Variants in BCKDHA observed in about 807,000 individuals in gnomAD.
BCKDHA encodes the protein 2-oxoisovalerate dehydrogenase subunit alpha, mitochondrial.
BCKDHA carries 43 observed loss-of-function variants against 52.2 expected under a neutral mutation model. The ratio of observed to expected loss-of-function variants is 0.82; its 90% CI spans 0.64 to 1.06. The LOEUF (loss-of-function observed/expected upper bound fraction) is 1.06, where lower values mean the gene tolerates loss of function less well. Among genes scored for constraint, BCKDHA ranks in the 50% least tolerant of loss-of-function variants. The pLI is 0.00. For missense variants in BCKDHA, 527 were observed against 621.3 expected (o/e 0.85, Z 1.61); for synonymous variants, 234 against 247.9 (o/e 0.94, Z 0.53).
At position 41,424,566 on chromosome 19, in the gene BCKDHA, G is replaced by C; in HGVS notation, c.1296G>C (p.Gln432His). ...AGGAGTCTCTGGCCCGCCACCTGCA[G>C]ACCTACGGGGAGCACTACCCACTGG... ...KQQESLARHL[Q>H]TYGEHYPLDH... The change falls in exon 9 of 9, where the codon CAG (glutamine) becomes CAC (histidine). Residue 432 changes from glutamine to histidine, a missense_variant. Physicochemically the swap from Gln to His is conservative, Grantham distance 24. Transcript: ENST00000269980. 1 of 1,613,834 alleles carries C rather than the reference G, an allele frequency of 6.2e-7. No individual in the cohort carries two copies. Among genetic ancestry groups the C allele is most frequent in the Non-Finnish European group, 8.5e-7 (1 of 1,179,818 alleles).
intron 1 of BCKDHA, among the ~76,000 whole-genome samples, chr19:41,404,394 A>G (rs1394971620): frequency 1.3e-5 from 2 of 151,602 alleles, no homozygotes; most frequent in African/African-American, 2.4e-5. Context: ...GGTTGACGCC[A>G]TTCTCCTGCC....
At chr19:41,423,882 A>G (rs987927979) in intron 8 of BCKDHA, among the ~76,000 whole-genome samples, 2 of 151,294 alleles carry the variant, frequency 1.3e-5, no homozygotes, top group Non-Finnish European at 2.9e-5. Context: ...AGTCCCAGCT[A>G]CTCAGGAAGG....
intron 1 of BCKDHA, among the ~76,000 whole-genome samples, chr19:41,405,633 C>T (rs2039184150): frequency 6.6e-6 from 1 of 152,138 alleles, no homozygotes; most frequent in African/African-American, 2.4e-5. Context: ...CTATGTTTCC[C>T]AGGCTGGCCT....
At chr19:41,418,091 CAAAAAAAAAAAAA>C (rs66838098) in intron 4 of BCKDHA, among the ~76,000 whole-genome samples, 2 of 72,014 alleles carry the variant, frequency 2.8e-5, no homozygotes, top group Admixed American at 1.7e-4. Flanking sequence ...GACTCTGTCT[CAAAAAAAAAAAAA>C]AAAAAAAAAA....
At chr19:41,400,718 GC>G (rs1300990233) in intron 1 of BCKDHA, among the ~76,000 whole-genome samples, 2 of 151,882 alleles carry the variant, frequency 1.3e-5, no homozygotes, top group African/African-American at 4.8e-5. Context: ...AGTTTAAGTA[GC>G]CACAAGTGGG....
chr19:41,422,210 C>G lies in BCKDHA; in HGVS notation c.693C>G (p.Val231=). 6.2e-7 allele frequency: 1 copy of G among 1,614,168 alleles called. No individual in the cohort carries two copies. The highest frequency in any genetic ancestry group is 8.5e-7 in the Non-Finnish European group (1 of 1,180,014). ...YAAKRANANR[V]VICYFGEGAA... Reference sequence around the variant, plus strand: ...CCAAGCGGGCCAATGCCAACAGGGTCGTCATCTGTTACTTCGGCGAGGGGG... The same window carrying G: ...CCAAGCGGGCCAATGCCAACAGGGTGGTCATCTGTTACTTCGGCGAGGGGG... Residue 231 remains valine, a synonymous_variant, in exon 6 of 9, where the codon GTC becomes GTG. Coordinates refer to ENST00000269980, the MANE Select transcript of BCKDHA (RefSeq NM_000709.4).
At chr19:41,410,209 T>C (rs1423997893) in intron 1 of BCKDHA, among the ~76,000 whole-genome samples, 4 of 152,138 alleles carry the variant, frequency 2.6e-5, no homozygotes, top group Non-Finnish European at 4.4e-5. Context: ...GCAGTGGGCA[T>C]GTGTGTCTGT....
Position 41,410,758 on chromosome 19 carries a change from C to T in BCKDHA, c.230C>T (p.Pro77Leu). The T allele has an allele frequency of 6.2e-7, 1 of 1,614,164 alleles. No homozygotes were observed. Among genetic ancestry groups the T allele is most frequent in the Non-Finnish European group, 8.5e-7 (1 of 1,180,032 alleles). ...FIQPNVISGI[P>L]IYRVMDRQGQ... is the part of the protein sequence containing the mutation. ...CAGCCCAACGTCATCTCTGGAATCC[C>T]CATCTACCGCGTCATGGACCGGCAA... Residue 77 changes from proline to leucine, a missense_variant, in exon 2 of 9, where the codon CCC (proline) becomes CTC (leucine). Physicochemically the swap from Pro to Leu is moderately conservative, Grantham distance 98. Coordinates refer to ENST00000269980, the MANE Select transcript of BCKDHA (RefSeq NM_000709.4).
At chr19:41,413,351 G>A (rs919303320) in intron 3 of BCKDHA, among the ~76,000 whole-genome samples, 2 of 152,168 alleles carry the variant, frequency 1.3e-5, no homozygotes, top group African/African-American at 4.8e-5. Flanking sequence ...CTCAGGTTAG[G>A]GGATTTGGGA....
chr19:41,406,831 A>G (rs12327735), intron 1 of BCKDHA, among the ~76,000 whole-genome samples: 4,746 of 152,214 alleles, frequency 0.031, 230 homozygotes, highest in African/African-American at 0.11. Context: ...CGGACTCCCA[A>G]AGTGCTGGGA....
chr19:41,410,508 A>C, intron 1 of BCKDHA, 129 bp from the exon 2 acceptor site: 1 of 993,334 alleles, frequency 1.0e-6, no homozygotes. Context: ...AGACCCTGTG[A>C]GTCAGGCCCC....
Position 41,409,703 on chromosome 19 carries a change from A to G in BCKDHA, c.109-934A>G, listed in dbSNP as rs1331512328. On this transcript the variant is annotated intron_variant, in intron 1 of 8. Transcript: ENST00000269980. ...CATTTTATTCATGTGATCTTGTTTA[A>G]GCCTCTCATTTCCATGAGGGGTTCT... Among the ~76,000 whole-genome samples, 6 of 152,050 alleles carry G rather than the reference A, an allele frequency of 3.9e-5. No individual in the cohort carries two copies. In the East Asian group the frequency reaches 1.2e-3, roughly 29 times the overall value.
rs575697272 is a variant in BCKDHA at position 41,418,924 on chromosome 19, G to A, written c.485-211G>A. ...TAAATACCAGACAATATCTCACTAAGAGAAAGAAAGAAAAAGGCTAGATTT... is the reference window on the plus strand; with the variant it reads ...TAAATACCAGACAATATCTCACTAAAAGAAAGAAAGAAAAAGGCTAGATTT... On this transcript the variant is annotated intron_variant, in intron 4 of 8. Coordinates refer to ENST00000269980, the MANE Select transcript of BCKDHA (RefSeq NM_000709.4). The A allele has an allele frequency of 3.0e-5, 18 of 591,888 alleles. No individual in the cohort carries two copies. The East Asian group carries it at 5.3e-4, about 17-fold the overall frequency. 36.7% of individuals were successfully genotyped at this position (591,888 alleles called of 1,614,324 possible). A position where few individuals can be genotyped will look rare whatever the true frequency, so the allele number is the denominator to read the frequency against.
intron 4 of BCKDHA, 134 bp from the exon 5 acceptor site, chr19:41,419,001 C>T (rs2039335678): frequency 6.5e-6 from 7 of 1,073,056 alleles, no homozygotes; most frequent in African/African-American, 1.6e-5. Context: ...GTCAGTCAGT[C>T]TGAACATCAG....
At chr19:41,418,831 T>A in intron 4 of BCKDHA, 1 of 431,278 alleles carries the variant, frequency 2.3e-6, no homozygotes. Flanking sequence ...TGAACCACCA[T>A]GCCTGGCCAT....
In BCKDHA at chr19:41,398,628, T is replaced by G. The variant is rs535818135; in HGVS notation, c.108+693T>G. ...TAGAAACACTTGAGAAGGCTTTGTT[T>G]CTTGTCAAAAGGGTCACAATCCCTT... is the stretch of plus-strand genomic sequence containing the variant. On this transcript the variant is annotated intron_variant, in intron 1 of 8. Transcript: ENST00000269980. Among the ~76,000 whole-genome samples, 4 of 152,316 alleles carry G rather than the reference T, an allele frequency of 2.6e-5. No homozygotes were observed. In the South Asian group the frequency reaches 8.3e-4, roughly 32 times the overall value.
At position 41,403,756 on chromosome 19, in the gene BCKDHA, G is replaced by A. The variant is rs117961146; in HGVS notation, c.108+5821G>A. ...CGCCTCTCCACCAGCCTGTGAGGTG[G>A]ATGCCATCCCCACGAGGGCACGCAG... On this transcript the variant is annotated intron_variant, in intron 1 of 8. Transcript: ENST00000269980. 1.7e-3 allele frequency among the ~76,000 whole-genome samples: 263 copies of A among 152,292 alleles called. 7 individuals are homozygous for A. The East Asian group carries it at 0.04, about 23-fold the overall frequency.
chr19:41,421,451 G>T (rs1568507622), intron 5 of BCKDHA, among the ~76,000 whole-genome samples: 1 of 84,008 alleles, frequency 1.2e-5, no homozygotes, highest in Non-Finnish European at 2.3e-5. Context: ...TGGACCAGAG[G>T]ATGTGAGGGG....
At chr19:41,398,870 A>G (rs1005325608) in intron 1 of BCKDHA, among the ~76,000 whole-genome samples, 16 of 152,280 alleles carry the variant, frequency 1.1e-4, no homozygotes, top group South Asian at 4.1e-4. Context: ...CTATGGAGCT[A>G]ATTTTCCTCT....
Sources: allele counts gnomAD v4.1 joint callset (sites outside exome capture counted in the v4.1 genomes callset), GRCh38; gene constraint gnomAD v4.1.1; transcripts MANE v1.5; gene names NCBI Gene and HGNC (gene_info 2026-07-23, HGNC 2026-07-21).